The following PEAK1 variants were observed in gnomAD, a reference collection of about 807,000 sequenced individuals.
PEAK1 encodes pseudopodium enriched atypical kinase 1, also known as inactive tyrosine-protein kinase PEAK1.
PEAK1 carries 54 observed loss-of-function variants against 124.7 expected under a neutral mutation model. The ratio of observed to expected loss-of-function variants is 0.43; its 90% confidence interval spans 0.35 to 0.54. The LOEUF (loss-of-function observed/expected upper bound fraction) is 0.54. PEAK1 is among the 20% of genes least tolerant of loss of function. The probability of loss-of-function intolerance (pLI) is 0.01; values close to 1 mark genes in which losing one functional copy is unlikely to be tolerated. For synonymous variants in PEAK1, 719 were observed against 760.0 expected (o/e 0.95, Z 0.89); for missense variants, 2,046 against 2,134.5 (o/e 0.96, Z 0.82).
Position 77,259,026 on chromosome 15 carries a change from A to G in PEAK1, c.-274-6500T>C, listed in dbSNP as rs532934769. Among the ~76,000 whole-genome samples the G allele has an allele frequency of 5.6e-3, 846 of 151,964 alleles. 3 individuals carry two copies. Among genetic ancestry groups the G allele is most frequent in the Middle Eastern group, 0.017 (5 of 294 alleles). Reference sequence around the variant, plus strand: ...TGGTTCTGTTTATATGCTGGATTACATTTATTGATTTGCGTATATTGAACC... The same window carrying G: ...TGGTTCTGTTTATATGCTGGATTACGTTTATTGATTTGCGTATATTGAACC... On this transcript the variant is annotated intron_variant, in intron 5 of 9. Coordinates refer to ENST00000682557, the MANE Select transcript of PEAK1 (RefSeq NM_001385026.1).
intron 5 of PEAK1, among the ~76,000 whole-genome samples, chr15:77,274,828 A>G (rs528353693): frequency 2.0e-5 from 3 of 152,040 alleles, no homozygotes; most frequent in Admixed American, 6.5e-5. Flanking sequence ...TATTCAGAGG[A>G]AAAAAAAGGT....
At chr15:77,350,981 A>C (rs1285642826) in intron 2 of PEAK1, 1 of 975,870 alleles carries the variant, frequency 1.0e-6, no homozygotes, top group East Asian at 1.1e-4. Context: ...CACATCTATT[A>C]AGCACTATTG....
intron 6 of PEAK1, among the ~76,000 whole-genome samples, chr15:77,183,699 G>C (rs4886854): frequency 0.059 from 8,963 of 151,840 alleles, 410 homozygotes; most frequent in Non-Finnish European, 0.09. Context: ...GAAATTATGT[G>C]AAACATTCAT....
At chr15:77,380,926 CTTAT>C (rs2069425601) in intron 1 of PEAK1, among the ~76,000 whole-genome samples, 1 of 152,168 alleles carries the variant, frequency 6.6e-6, no homozygotes, top group Non-Finnish European at 1.5e-5. Context: ...TTAGGAGGGA[CTTAT>C]TTGTCAGGTA....
At chr15:77,317,356 CA>C (rs894946901) in intron 2 of PEAK1, among the ~76,000 whole-genome samples, 7 of 151,882 alleles carry the variant, frequency 4.6e-5, no homozygotes, top group Non-Finnish European at 8.8e-5. Flanking sequence ...CAATTCTTTT[CA>C]AAAAAACTAA....
chr15:77,414,016 C>T (rs1330160087), intron 1 of PEAK1, among the ~76,000 whole-genome samples: 1 of 151,782 alleles, frequency 6.6e-6, no homozygotes, highest in East Asian at 1.9e-4. Flanking sequence ...AGAGATGAGG[C>T]CTCCCTATGT....
intron 2 of PEAK1, chr15:77,335,922 A>G (rs972426751): frequency 2.0e-6 from 2 of 985,288 alleles, no homozygotes; most frequent in African/African-American, 1.7e-5. Flanking sequence ...AAATGCCACA[A>G]TAAGAACACC....
At chr15:77,269,700 C>T (rs1351929412) in intron 5 of PEAK1, among the ~76,000 whole-genome samples, 1 of 152,160 alleles carries the variant, frequency 6.6e-6, no homozygotes, top group African/African-American at 2.4e-5. Flanking sequence ...TTCTATTCAA[C>T]ACATGGAACA....
chr15:77,355,713 T>G, intron 2 of PEAK1: 2 of 962,798 alleles, frequency 2.1e-6, no homozygotes, highest in Non-Finnish European at 2.5e-6. Flanking sequence ...AACTCATCCA[T>G]TTTGGGGGGT....
In PEAK1 at chr15:77,111,278, T is replaced by A. The variant is rs2050961042; in HGVS notation, c.*2878A>T. ...GTGTCTACAGAGGGTAGGATTTCTT[T>A]CCAGTTGATGAACAAATTCAAAGGT... On this transcript the variant is annotated 3_prime_UTR_variant, in exon 10 of 10. Coordinates refer to ENST00000682557, the MANE Select transcript of PEAK1 (RefSeq NM_001385026.1). 1 of 152,204 alleles carries A rather than the reference T, an allele frequency of 6.6e-6. No homozygotes were observed. Among genetic ancestry groups the A allele is most frequent in the Non-Finnish European group, 1.5e-5 (1 of 68,024 alleles). The allele number at this position is 152,204 out of a possible 1,614,324, so 9.4% of individuals were successfully genotyped here. A position where few individuals can be genotyped will look rare whatever the true frequency, so the allele number is the denominator to read the frequency against.
chr15:77,295,497 C>T (rs2063439072), intron 2 of PEAK1, among the ~76,000 whole-genome samples: 1 of 152,142 alleles, frequency 6.6e-6, no homozygotes, highest in Admixed American at 6.5e-5. Flanking sequence ...ATTCAACTAT[C>T]TCAACCTTAT....
intron 1 of PEAK1, among the ~76,000 whole-genome samples, chr15:77,373,525 A>T (rs886131301): frequency 3.3e-5 from 5 of 152,172 alleles, no homozygotes; most frequent in Non-Finnish European, 5.9e-5. Context: ...TCCGTAACAT[A>T]GTCTGGTAAC....
At chr15:77,235,796 TC>T (rs930065477) in intron 6 of PEAK1, among the ~76,000 whole-genome samples, 2 of 151,972 alleles carry the variant, frequency 1.3e-5, no homozygotes, top group Non-Finnish European at 2.9e-5. Context: ...GGGCCCAAGG[TC>T]CCCCCTGCTC....
At chr15:77,392,218 G>A (rs1400294268) in intron 1 of PEAK1, among the ~76,000 whole-genome samples, 1 of 152,156 alleles carries the variant, frequency 6.6e-6, no homozygotes, top group Non-Finnish European at 1.5e-5. Context: ...CTTCAATATG[G>A]AAATAATAGA....
intron 8 of PEAK1, among the ~76,000 whole-genome samples, chr15:77,143,435 A>G (rs929142351): frequency 6.6e-6 from 1 of 152,134 alleles, no homozygotes; most frequent in African/African-American, 2.4e-5. Flanking sequence ...ATTTCATGAC[A>G]CTTCTCTGCT....
intron 6 of PEAK1, among the ~76,000 whole-genome samples, chr15:77,242,774 C>T (rs2060415489): frequency 6.6e-6 from 1 of 152,114 alleles, no homozygotes; most frequent in Non-Finnish European, 1.5e-5. Context: ...TCAAATTCTC[C>T]ATATCCTCAA....
chr15:77,337,570 A>G, intron 2 of PEAK1: 1 of 985,208 alleles, frequency 1.0e-6, no homozygotes, highest in Non-Finnish European at 1.2e-6. Context: ...CCACACCAAC[A>G]GAATTTTTAA....
rs923398159 is a variant in PEAK1, at chr15:77,336,488, T to C, written c.-603+28675A>G. 6 of 985,316 alleles carry C rather than the reference T, an allele frequency of 6.1e-6. No homozygotes were observed. In the African/African-American group the frequency reaches 7.0e-5, roughly 11 times the overall value. The allele number at this position is 985,316 out of a possible 1,614,324, so 61.0% of individuals were successfully genotyped here. ...AAATAATTTGGCCGTTTGCTAATCA[T>C]GTCTATAAAAGCAGCTCTTCAGTTG... On this transcript the variant is annotated intron_variant, in intron 2 of 9. Coordinates refer to ENST00000682557, the MANE Select transcript of PEAK1 (RefSeq NM_001385026.1).
chr15:77,118,276 G>C (rs1259726922), intron 9 of PEAK1, among the ~76,000 whole-genome samples: 2 of 152,076 alleles, frequency 1.3e-5, no homozygotes, highest in Non-Finnish European at 2.9e-5. Context: ...CAGACCAATG[G>C]AGATTTCCAT....
Sources: allele counts gnomAD v4.1 joint callset (sites outside exome capture counted in the v4.1 genomes callset), GRCh38; gene constraint gnomAD v4.1.1; transcripts MANE v1.5; gene names NCBI Gene and HGNC (gene_info 2026-07-23, HGNC 2026-07-21).